The following BBX variants were observed in gnomAD, a reference collection of about 807,000 sequenced individuals.
BBX encodes HMG box transcription factor BBX.
A neutral mutation model predicts 100.2 loss-of-function variants in BBX; 30 were observed. The ratio of observed to expected loss-of-function variants is 0.30; its 90% CI spans 0.22 to 0.41. The LOEUF is 0.41. BBX is among the 10% of genes least tolerant of loss of function. The probability of loss-of-function intolerance (pLI) is 1.00; values close to 1 mark genes in which losing one functional copy is unlikely to be tolerated. For synonymous variants in BBX, 376 were observed against 388.1 expected (o/e 0.97, Z 0.37); for missense variants, 1,023 against 1,129.8 (o/e 0.91, Z 1.35).
intron 2 of BBX, among the ~76,000 whole-genome samples, chr3:107,633,047 A>G (rs2056642146): frequency 2.0e-5 from 3 of 152,130 alleles, no homozygotes; most frequent in Admixed American, 2.0e-4. Flanking sequence ...TACTGTGGAG[A>G]TTATTTTTCA....
chr3:107,794,428 T>C (rs1212099596), intron 15 of BBX, among the ~76,000 whole-genome samples: 1 of 152,066 alleles, frequency 6.6e-6, no homozygotes, highest in Non-Finnish European at 1.5e-5. Flanking sequence ...TAAATGGTAT[T>C]TCACAACGGG....
intron 10 of BBX, among the ~76,000 whole-genome samples, chr3:107,765,456 T>A (rs1464877582): frequency 6.9e-6 from 1 of 145,768 alleles, no homozygotes; most frequent in Non-Finnish European, 1.6e-5. Flanking sequence ...TGTGGGTGTG[T>A]ATGTGTGTGT....
At chr3:107,591,444 A>C (rs2053304672) in intron 2 of BBX, among the ~76,000 whole-genome samples, 1 of 152,158 alleles carries the variant, frequency 6.6e-6, no homozygotes, top group Admixed American at 6.5e-5. Flanking sequence ...CAGTCAGTAA[A>C]CTGCTAAAAG....
chr3:107,750,091 G>T (rs2064959404), intron 9 of BBX, among the ~76,000 whole-genome samples: 1 of 152,138 alleles, frequency 6.6e-6, no homozygotes, highest in African/African-American at 2.4e-5. Flanking sequence ...TGTCCTTGCT[G>T]CTCCGTACAC....
intron 2 of BBX, among the ~76,000 whole-genome samples, chr3:107,541,200 A>G (rs2048838497): frequency 6.6e-6 from 1 of 152,220 alleles, no homozygotes; most frequent in African/African-American, 2.4e-5. Context: ...ACAGGCTCAA[A>G]GTTGTTAAGT....
At chr3:107,567,111 T>C (rs1370000514) in intron 2 of BBX, among the ~76,000 whole-genome samples, 1 of 152,170 alleles carries the variant, frequency 6.6e-6, no homozygotes, top group African/African-American at 2.4e-5. Context: ...TGTTACTGTA[T>C]TTAGGTTAGT....
intron 15 of BBX, among the ~76,000 whole-genome samples, chr3:107,792,163 C>A (rs1235419722): frequency 6.6e-6 from 1 of 152,200 alleles, no homozygotes; most frequent in Non-Finnish European, 1.5e-5. Flanking sequence ...AGCCTAATTT[C>A]TTCAATGGTT....
intron 2 of BBX, among the ~76,000 whole-genome samples, chr3:107,604,422 G>C (rs669471): frequency 0.84 from 127,229 of 152,074 alleles, 53,887 homozygotes; most frequent in East Asian, 1. Context: ...AGGTTCTTCG[G>C]TATTCTGGTC....
At chr3:107,769,816 T>G (rs1425778562) in intron 10 of BBX, among the ~76,000 whole-genome samples, 1 of 152,180 alleles carries the variant, frequency 6.6e-6, no homozygotes, top group African/African-American at 2.4e-5. Flanking sequence ...AATACTGTAG[T>G]AAAATGAATT....
chr3:107,781,879 C>CA (rs1443494110), intron 13 of BBX, among the ~76,000 whole-genome samples: 1 of 151,962 alleles, frequency 6.6e-6, no homozygotes, highest in Non-Finnish European at 1.5e-5. Context: ...TTGAGTCTTT[C>CA]AAAAAATCAC....
chr3:107,768,053 G>A (rs188980460), intron 10 of BBX, among the ~76,000 whole-genome samples: 4 of 152,138 alleles, frequency 2.6e-5, no homozygotes, highest in African/African-American at 7.2e-5. Context: ...CACTCTTTCC[G>A]CATCTGTTTC....
intron 5 of BBX, among the ~76,000 whole-genome samples, chr3:107,727,302 T>G (rs1425084371): frequency 6.6e-6 from 1 of 152,118 alleles, no homozygotes; most frequent in Non-Finnish European, 1.5e-5. Flanking sequence ...TTTGTCACTT[T>G]CCACTTCCAG....
chr3:107,732,781 A>G (rs1175327547), intron 6 of BBX, among the ~76,000 whole-genome samples, 175 bp from the exon 7 acceptor site: 1 of 152,236 alleles, frequency 6.6e-6, no homozygotes, highest in Non-Finnish European at 1.5e-5. Flanking sequence ...TATGAGCACT[A>G]AGCACATATA....
At chr3:107,643,608 G>A (rs1236562672) in intron 2 of BBX, among the ~76,000 whole-genome samples, 1 of 152,068 alleles carries the variant, frequency 6.6e-6, no homozygotes, top group East Asian at 1.9e-4. Flanking sequence ...CTGCCCAGGC[G>A]TTGGTCTCAG....
intron 2 of BBX, among the ~76,000 whole-genome samples, chr3:107,619,604 T>C (rs925679470): frequency 6.6e-6 from 1 of 152,082 alleles, no homozygotes; most frequent in African/African-American, 2.4e-5. Flanking sequence ...GTTTATTGAA[T>C]GTTTTTAGCT....
At chr3:107,626,981 C>T (rs2056226424) in intron 2 of BBX, among the ~76,000 whole-genome samples, 1 of 152,074 alleles carries the variant, frequency 6.6e-6, no homozygotes, top group Admixed American at 6.6e-5. Flanking sequence ...GTTCTCATGA[C>T]ATTGCAGCTG....
intron 7 of BBX, among the ~76,000 whole-genome samples, chr3:107,740,388 G>C (rs958824059): frequency 2.6e-5 from 4 of 151,416 alleles, no homozygotes; most frequent in Non-Finnish European, 4.4e-5. Flanking sequence ...CATCTTTCCA[G>C]ACAATTACTG....
intron 9 of BBX, among the ~76,000 whole-genome samples, chr3:107,752,720 A>G (rs1235429262): frequency 6.6e-6 from 1 of 152,226 alleles, no homozygotes; most frequent in Non-Finnish European, 1.5e-5. Flanking sequence ...ATAATAGTCA[A>G]GAGAGACTAC....
chr3:107,555,607 A>G (rs1422151848), intron 2 of BBX, among the ~76,000 whole-genome samples: 1 of 152,218 alleles, frequency 6.6e-6, no homozygotes, highest in Non-Finnish European at 1.5e-5. Flanking sequence ...AAATACAATT[A>G]TGTATCCCTC....
Sources: gnomAD v4.1 joint callset for allele counts (sites outside exome capture counted in the v4.1 genomes callset) on GRCh38, gnomAD v4.1.1 for gene constraint, MANE v1.5 for transcripts, NCBI Gene and HGNC (gene_info 2026-07-23, HGNC 2026-07-21) for gene names.